Variants in VEZT observed in about 807,000 individuals in gnomAD.
VEZT encodes vezatin.
VEZT carries 39 observed loss-of-function variants against 79.9 expected under a neutral mutation model. That is an observed-to-expected ratio of 0.49 (90% CI 0.38 to 0.64). VEZT has a LOEUF of 0.64. Ranked by LOEUF, VEZT falls within the 30% of genes least tolerant of loss-of-function variation. VEZT has a pLI of 0.00. For missense variants in VEZT, 837 were observed against 893.1 expected (o/e 0.94, Z 0.80); for synonymous variants, 325 against 327.6 (o/e 0.99, Z 0.09).
rs1452446466 is a variant in VEZT, at chr12:95,270,107, T to A, written c.767T>A (p.Ile256Asn). Reference protein sequence around the residue: ...KAGQHPSQHLIGLRKAVYRTL... With the variant: ...KAGQHPSQHLNGLRKAVYRTL... ...GGACAGCATCCAAGTCAGCATCTCATCGGTCTTCGGAAAGCTGTCTACCGA... is the reference window on the plus strand; with the variant it reads ...GGACAGCATCCAAGTCAGCATCTCAACGGTCTTCGGAAAGCTGTCTACCGA... The change falls in exon 6 of 12, where the codon ATC (isoleucine) becomes AAC (asparagine). Residue 256 changes from isoleucine to asparagine, a missense_variant. By Grantham distance (149) the Ile-to-Asn change is moderately radical. Transcript: ENST00000436874. 11 of 1,612,148 alleles carry A rather than the reference T, an allele frequency of 6.8e-6. 1 individual carries two copies. The South Asian group carries it at 1.1e-4, about 16-fold the overall frequency.
intron 1 of VEZT, among the ~76,000 whole-genome samples, chr12:95,224,995 A>C (rs1207136843): frequency 6.6e-6 from 1 of 152,170 alleles, no homozygotes; most frequent in Non-Finnish European, 1.5e-5. Flanking sequence ...ATCTGACAGG[A>C]GGCGGAGCTC....
Position 95,296,088 on chromosome 12 carries a change from G to C in VEZT, c.1661G>C (p.Ser554Thr), listed in dbSNP as rs760199080. The C allele has an allele frequency of 7.1e-6, 11 of 1,557,410 alleles. No homozygotes were observed. The highest frequency in any genetic ancestry group is 5.4e-5 in the African/African-American group (4 of 73,412). Residue 554 changes from serine (S) to threonine (T), a missense_variant, in exon 11 of 12, where the codon AGT (serine) becomes ACT (threonine). Ser to Thr is a moderately conservative substitution (Grantham distance 58, BLOSUM62 1). Coordinates refer to ENST00000436874, the MANE Select transcript of VEZT (RefSeq NM_017599.4). ...TATGTAGATGATATAGATATTGATA[G>C]TGATTTCAGAAAGGATGATTTTTAT... ...EAYVDDIDID[S>T]DFRKDDFYYL...
chr12:95,233,455 A>C (rs941854138), intron 1 of VEZT, among the ~76,000 whole-genome samples: 6 of 152,020 alleles, frequency 3.9e-5, no homozygotes, highest in African/African-American at 1.4e-4. Flanking sequence ...GCTGGAGTGC[A>C]GTGGCACAAT....
chr12:95,266,214 ATTT>A (rs2065504839), intron 4 of VEZT, 140 bp from the exon 5 acceptor site: 1 of 952,596 alleles, frequency 1.0e-6, no homozygotes, highest in Admixed American at 2.5e-5. Context: ...AATGTCATAT[ATTT>A]TTAAGTTATG....
chr12:95,283,333 A>G lies in VEZT; in HGVS notation c.1328+689A>G, dbSNP rs138268643. Among the ~76,000 whole-genome samples the G allele has an allele frequency of 6.2e-3, 943 of 152,330 alleles. 12 individuals carry two copies. Among genetic ancestry groups the G allele is most frequent in the African/African-American group, 0.021 (874 of 41,574 alleles). ...AAAATTGAATCAAGGCATTTAATTG[A>G]ATACAGTCATTTCCAGTGAAATTTT... On this transcript the variant is annotated intron_variant, in intron 8 of 11. Transcript: ENST00000436874.
intron 8 of VEZT, among the ~76,000 whole-genome samples, chr12:95,286,059 C>T (rs1173182164): frequency 7.9e-6 from 1 of 126,312 alleles, no homozygotes; most frequent in Non-Finnish European, 1.6e-5. Context: ...GTGGCATGAT[C>T]TCGGCTCACT....
At chr12:95,291,107 A>G (rs985252045) in intron 9 of VEZT, among the ~76,000 whole-genome samples, 1 of 152,098 alleles carries the variant, frequency 6.6e-6, no homozygotes, top group Non-Finnish European at 1.5e-5. Context: ...TCTACCAAAA[A>G]AAACAAAAAG....
At chr12:95,257,287 G>C in intron 3 of VEZT, 48 bp downstream of exon 3, 1 of 1,383,220 alleles carries the variant, frequency 7.2e-7, no homozygotes, top group Non-Finnish European at 9.9e-7. Context: ...TAGGTTATTA[G>C]TGAAATAATT....
At chr12:95,259,189 C>CTGTTT (rs1448646638) in intron 3 of VEZT, among the ~76,000 whole-genome samples, 2 of 103,508 alleles carry the variant, frequency 1.9e-5, no homozygotes, top group Non-Finnish European at 4.1e-5. Flanking sequence ...GGAATACTTT[C>CTGTTT]TGTTTTTTTT....
chr12:95,288,738 C>T (rs866879458), intron 9 of VEZT, among the ~76,000 whole-genome samples: 4 of 152,066 alleles, frequency 2.6e-5, no homozygotes, highest in South Asian at 2.1e-4. Context: ...ATATATTACC[C>T]GTAGGTTTTC....
intron 6 of VEZT, among the ~76,000 whole-genome samples, chr12:95,273,250 C>A (rs1207218462): frequency 6.6e-6 from 1 of 151,814 alleles, no homozygotes; most frequent in East Asian, 1.9e-4. Context: ...GAAAAAAAAA[C>A]ACAAAGTGCA....
intron 2 of VEZT, among the ~76,000 whole-genome samples, chr12:95,256,049 T>C (rs74238577): frequency 0.11 from 17,136 of 151,934 alleles, 1,265 homozygotes; most frequent in Non-Finnish European, 0.16. Flanking sequence ...TTGACTGAAG[T>C]GATCTTCTCT....
intron 1 of VEZT, among the ~76,000 whole-genome samples, chr12:95,223,187 G>A (rs1004576176): frequency 3.9e-5 from 6 of 152,048 alleles, no homozygotes; most frequent in Admixed American, 2.0e-4. Context: ...TAACTATCTC[G>A]TAAGGTAGTT....
intron 1 of VEZT, among the ~76,000 whole-genome samples, chr12:95,236,072 G>A (rs920834688): frequency 3.2e-4 from 48 of 152,060 alleles, no homozygotes; most frequent in Admixed American, 3.3e-4. Context: ...CAAGGCAGGC[G>A]GCTGGGAGGT....
At chr12:95,293,270 T>G (rs796591179) in intron 9 of VEZT, among the ~76,000 whole-genome samples, 1 of 152,246 alleles carries the variant, frequency 6.6e-6, no homozygotes, top group South Asian at 2.1e-4. Context: ...TATTAATTTA[T>G]TCATCGTTCT....
At chr12:95,222,789 C>G (rs1043143727) in intron 1 of VEZT, among the ~76,000 whole-genome samples, 1 of 152,208 alleles carries the variant, frequency 6.6e-6, no homozygotes, top group Non-Finnish European at 1.5e-5. Flanking sequence ...AATATTGAAT[C>G]TTCCAATCCG....
At chr12:95,279,960 C>T (rs1246217592) in intron 7 of VEZT, among the ~76,000 whole-genome samples, 1 of 152,154 alleles carries the variant, frequency 6.6e-6, no homozygotes, top group Non-Finnish European at 1.5e-5. Flanking sequence ...ATGCTGGAAT[C>T]ATCCTTGTTA....
At chr12:95,271,059 C>T (rs986488989) in intron 6 of VEZT, among the ~76,000 whole-genome samples, 8 of 152,052 alleles carry the variant, frequency 5.3e-5, no homozygotes, top group African/African-American at 1.9e-4. Context: ...TTCTTGTCTC[C>T]ATTTTATGAG....
chr12:95,266,941 C>T (rs2065651958), intron 5 of VEZT, among the ~76,000 whole-genome samples: 2 of 152,148 alleles, frequency 1.3e-5, no homozygotes, highest in South Asian at 2.1e-4. Flanking sequence ...CTGAACCTAA[C>T]GTGCAGTAGT....
Sources: gnomAD v4.1 joint callset for allele counts (sites outside exome capture counted in the v4.1 genomes callset) on GRCh38, gnomAD v4.1.1 for gene constraint, MANE v1.5 for transcripts, NCBI Gene and HGNC (gene_info 2026-07-23, HGNC 2026-07-21) for gene names.